The following TUT4 variants were observed in gnomAD, a reference collection of about 807,000 sequenced individuals.
TUT4 encodes the protein terminal uridylyl transferase 4.
Under a neutral mutation model 192.2 loss-of-function variants are expected in TUT4, and 36 were observed. The observed-to-expected ratio is 0.19, with a 90% confidence interval of 0.14 to 0.25. The LOEUF (loss-of-function observed/expected upper bound fraction) is 0.25, where lower values mean the gene tolerates loss of function less well. Ranked by LOEUF, TUT4 falls within the 10% of genes least tolerant of loss-of-function variation. The pLI, the probability that TUT4 is intolerant of heterozygous loss-of-function variation, is 1.00. For missense variants in TUT4, 1,493 were observed against 1,957.2 expected (o/e 0.76, Z 4.47); for synonymous variants, 618 against 666.0 (o/e 0.93, Z 1.11).
At chr1:52,526,503 AGAC>A in intron 1 of TUT4, 130 bp from the exon 2 acceptor site, 5 of 293,484 alleles carry the variant, frequency 1.7e-5, no homozygotes, top group Non-Finnish European at 2.9e-5. Flanking sequence ...AAAAAAAAAA[AGAC>A]AAAACTCAGA....
At chr1:52,453,543 AC>A (rs1182713304) in intron 20 of TUT4, among the ~76,000 whole-genome samples, 1 of 151,822 alleles carries the variant, frequency 6.6e-6, no homozygotes, top group Non-Finnish European at 1.5e-5. Context: ...AAAAAAAAAA[AC>A]TCTATAAACT....
chr1:52,546,178 A>C (rs1316917309), intron 1 of TUT4, among the ~76,000 whole-genome samples: 2 of 152,072 alleles, frequency 1.3e-5, no homozygotes, highest in African/African-American at 4.8e-5. Flanking sequence ...AAATTACCAT[A>C]TGATCCAATA....
At chr1:52,528,733 C>T (rs1682537844) in intron 1 of TUT4, among the ~76,000 whole-genome samples, 1 of 151,982 alleles carries the variant, frequency 6.6e-6, no homozygotes, top group African/African-American at 2.4e-5. Flanking sequence ...AACTTTACAT[C>T]ATATAAACAA....
chr1:52,549,027 T>C (rs1688755522), intron 1 of TUT4, among the ~76,000 whole-genome samples: 1 of 152,222 alleles, frequency 6.6e-6, no homozygotes, highest in Non-Finnish European at 1.5e-5. Flanking sequence ...TTAAAAGTTC[T>C]TGGACAGTAA....
chr1:52,526,098 A>G lies in TUT4; in HGVS notation c.183T>C (p.Asn61=). The change falls in exon 2 of 30, where the codon AAT becomes AAC. Residue 61 remains asparagine (N), a synonymous_variant. Transcript: ENST00000257177. ...CTTCTGTTTTTTCTATACAAATATC[A>G]TTTTGCTTATTTTTTTTACTACTAT... is the stretch of plus-strand genomic sequence containing the variant. ...NRNSSKKNKQ[N]DICIEKTEVK... 6.2e-7 allele frequency: 1 copy of G among 1,608,312 alleles called. No individual in the cohort carries two copies.
At chr1:52,462,589 C>G in intron 16 of TUT4, 3 of 341,608 alleles carry the variant, frequency 8.8e-6, no homozygotes, top group Non-Finnish European at 8.3e-6. Context: ...TCATAAACTC[C>G]TGTCCTGCAG....
At chr1:52,535,238 T>TG (rs1328140531) in intron 1 of TUT4, 1 of 152,154 alleles carries the variant, frequency 6.6e-6, no homozygotes, top group African/African-American at 2.4e-5. Context: ...TAATTAGACT[T>TG]GGGCCTCCTA....
intron 17 of TUT4, 31 bp downstream of exon 17, chr1:52,461,681 T>G (rs991256949): frequency 1.9e-6 from 3 of 1,543,258 alleles, no homozygotes; most frequent in Non-Finnish European, 2.6e-6. Flanking sequence ...AAAATTTATT[T>G]TGTTTTACAG....
At chr1:52,460,607 A>G (rs960868710) in intron 19 of TUT4, among the ~76,000 whole-genome samples, 2 of 152,224 alleles carry the variant, frequency 1.3e-5, no homozygotes, top group African/African-American at 2.4e-5. Context: ...AATAAAATTA[A>G]TCATTCCACT....
chr1:52,514,351 G>C (rs944400786), intron 3 of TUT4, among the ~76,000 whole-genome samples: 9 of 152,200 alleles, frequency 5.9e-5, no homozygotes, highest in African/African-American at 2.2e-4. Context: ...TGAGGCAGGA[G>C]AATTGCTTGA....
At chr1:52,535,089 T>G (rs1264712791) in intron 1 of TUT4, 1 of 152,212 alleles carries the variant, frequency 6.6e-6, no homozygotes, top group Non-Finnish European at 1.5e-5. Context: ...ATTCATCTTG[T>G]TGCATAGTCA....
chr1:52,436,844 A>C lies in TUT4; in HGVS notation c.4073T>G (p.Leu1358Arg). The change falls in exon 26 of 30, where the codon CTC (leucine) becomes CGC (arginine). Residue 1358 changes from leucine (L) to arginine (R), a missense_variant. Leu to Arg is a moderately radical substitution (Grantham distance 102). Coordinates refer to ENST00000257177, the MANE Select transcript of TUT4 (RefSeq NM_001009881.3). Reference protein sequence around the residue: ...DTRDFRDPRDLRCFICGDAGH... With the variant: ...DTRDFRDPRDRRCFICGDAGH... Reference sequence around the variant, plus strand: ...AGCATCTCCACATATAAAACATCTGAGGTCTCTCGGGTCTCTAAAGTCTCG... The same window carrying C: ...AGCATCTCCACATATAAAACATCTGCGGTCTCTCGGGTCTCTAAAGTCTCG... The C allele has an allele frequency of 6.2e-7, 1 of 1,612,796 alleles. No homozygotes were observed. The highest frequency in any genetic ancestry group is 1.1e-5 in the South Asian group (1 of 91,046).
chr1:52,436,607 T>C (rs1056219268), intron 26 of TUT4, 148 bp downstream of exon 26: 13 of 1,245,664 alleles, frequency 1.0e-5, no homozygotes, highest in African/African-American at 6.0e-5. Flanking sequence ...AAAAGCCTCA[T>C]TGTCTAAATT....
intron 2 of TUT4, among the ~76,000 whole-genome samples, chr1:52,521,333 GATCA>G (rs1441656587): frequency 6.6e-6 from 1 of 152,164 alleles, no homozygotes; most frequent in Non-Finnish European, 1.5e-5. Context: ...AGAAGACTGA[GATCA>G]ATCAAATTTC....
chr1:52,478,964 T>TA (rs757834653), intron 11 of TUT4, among the ~76,000 whole-genome samples: 26 of 151,986 alleles, frequency 1.7e-4, no homozygotes, highest in Non-Finnish European at 3.1e-4. Flanking sequence ...GTAAGTAAAT[T>TA]ACATAGTAAC....
intron 3 of TUT4, among the ~76,000 whole-genome samples, chr1:52,513,187 A>T (rs1677721246): frequency 6.6e-6 from 1 of 151,354 alleles, no homozygotes; most frequent in South Asian, 2.1e-4. Flanking sequence ...TAAACTCAGC[A>T]CGTTGGGAGG....
At chr1:52,466,334 A>T (rs1363886925) in intron 15 of TUT4, among the ~76,000 whole-genome samples, 1 of 152,166 alleles carries the variant, frequency 6.6e-6, no homozygotes, top group East Asian at 1.9e-4. Flanking sequence ...CTTTGTCTTT[A>T]CAAAAATTTT....
intron 11 of TUT4, among the ~76,000 whole-genome samples, chr1:52,481,142 G>A (rs955216976): frequency 8.5e-5 from 13 of 152,142 alleles, no homozygotes; most frequent in African/African-American, 2.9e-4. Context: ...TCTGGTCAGA[G>A]CCCAACTCTT....
Position 52,446,437 on chromosome 1 carries a change from C to T in TUT4, c.3519G>A (p.Lys1173=), listed in dbSNP as rs1312766355. 8 of 1,577,386 alleles carry T rather than the reference C, an allele frequency of 5.1e-6. No individual in the cohort carries two copies. The highest frequency in any genetic ancestry group is 6.8e-6 in the Non-Finnish European group (8 of 1,170,046). ...FFFDKTEELK[K]RLPSLGKNTE... is the part of the protein sequence containing the mutation. ...TGTTCTTTCCAAGTGAAGGTAAACG[C>T]TTTTTCTACATATAAAAAAAAAAAG... The change falls in exon 22 of 30, where the codon AAG becomes AAA. Residue 1173 remains lysine (K), a synonymous_variant. Transcript: ENST00000257177.
Sources: gnomAD v4.1 joint callset for allele counts (sites outside exome capture counted in the v4.1 genomes callset) on GRCh38, gnomAD v4.1.1 for gene constraint, MANE v1.5 for transcripts, NCBI Gene and HGNC (gene_info 2026-07-23, HGNC 2026-07-21) for gene names.